Variants in GAN observed in about 807,000 individuals in gnomAD.
GAN encodes the protein gigaxonin, also known as epididymis secretory sperm binding protein.
A neutral mutation model predicts 71.3 loss-of-function variants in GAN; 48 were observed. The ratio of observed to expected loss-of-function variants is 0.67; its 90% CI spans 0.53 to 0.86. The LOEUF is 0.86. GAN is among the 40% of genes least tolerant of loss of function. GAN has a pLI of 0.00. For missense variants in GAN, 928 were observed against 770.1 expected (o/e 1.21, Z -2.43); for synonymous variants, 386 against 276.8 (o/e 1.39, Z -3.92).
chr16:81,351,427 T>C (rs1238124565), intron 1 of GAN, among the ~76,000 whole-genome samples, 156 bp from the exon 2 acceptor site: 2 of 152,246 alleles, frequency 1.3e-5, no homozygotes, highest in African/African-American at 4.8e-5. Context: ...TTGAAAGTTA[T>C]AGAAATACAT....
Position 81,380,092 on chromosome 16 carries a change from T to G in GAN, c.*2496T>G, listed in dbSNP as rs1246018711. ...TATTGTGTTGAAGTATAGGGATGTATTTAATTTTACTATGCTCCAACATTA... is the reference window on the plus strand; with the variant it reads ...TATTGTGTTGAAGTATAGGGATGTAGTTAATTTTACTATGCTCCAACATTA... On this transcript the variant is annotated 3_prime_UTR_variant, in exon 11 of 11. Coordinates refer to ENST00000648994, the MANE Select transcript of GAN (RefSeq NM_022041.4). The G allele has an allele frequency of 1.3e-5, 2 of 152,652 alleles. No individual in the cohort carries two copies. Among genetic ancestry groups the G allele is most frequent in the Non-Finnish European group, 2.9e-5 (2 of 68,042 alleles). The allele number at this position is 152,652 out of a possible 1,614,324, so 9.5% of individuals were successfully genotyped here.
At chr16:81,317,746 TTG>T (rs775694563) in intron 1 of GAN, among the ~76,000 whole-genome samples, 4 of 152,262 alleles carry the variant, frequency 2.6e-5, no homozygotes, top group Non-Finnish European at 5.9e-5. Flanking sequence ...ACCGTTCTCT[TTG>T]TGTAAACTTT....
chr16:81,365,376 C>G lies in GAN; in HGVS notation c.1400C>G (p.Ala467Gly), dbSNP rs1349568034. The G allele has an allele frequency of 6.2e-7, 1 of 1,613,546 alleles. No homozygotes were observed. The highest frequency in any genetic ancestry group is 1.7e-5 in the Admixed American group (1 of 59,934). Residue 467 changes from alanine to glycine, a missense_variant, in exon 9 of 11, where the codon GCT becomes GGT. Coordinates refer to ENST00000648994, the MANE Select transcript of GAN (RefSeq NM_022041.4). ...RRFGAVACGV[A>G]MELYVFGGVR... ...TTTGGAGCGGTGGCCTGTGGAGTTGCTATGGAGCTGTATGTGTTTGGGGGA... is the reference window on the plus strand; with the variant it reads ...TTTGGAGCGGTGGCCTGTGGAGTTGGTATGGAGCTGTATGTGTTTGGGGGA...
rs1167257979 is a variant in GAN at position 81,384,089 on chromosome 16, T to C, written c.*6493T>C. Reference sequence around the variant, plus strand: ...TTGCTTTATCATGTTTCCTGTTTAATTGGATGAGAATTACATGCACTTATT... The same window carrying C: ...TTGCTTTATCATGTTTCCTGTTTAACTGGATGAGAATTACATGCACTTATT... On this transcript the variant is annotated 3_prime_UTR_variant, in exon 11 of 11. Transcript: ENST00000648994. 1 of 152,056 alleles carries C rather than the reference T, an allele frequency of 6.6e-6. No individual in the cohort carries two copies. The highest frequency in any genetic ancestry group is 1.5e-5 in the Non-Finnish European group (1 of 68,000). 9.4% of individuals were successfully genotyped at this position (152,056 alleles called of 1,614,324 possible). A position where few individuals can be genotyped will look rare whatever the true frequency, so the allele number is the denominator to read the frequency against.
intron 9 of GAN, among the ~76,000 whole-genome samples, chr16:81,369,403 C>A (rs1015718895): frequency 1.3e-5 from 2 of 152,312 alleles, no homozygotes; most frequent in African/African-American, 4.8e-5. Flanking sequence ...CCTATCACAT[C>A]CCCACTTAAT....
intron 1 of GAN, among the ~76,000 whole-genome samples, chr16:81,348,004 T>TA (rs1000865916): frequency 9.9e-5 from 15 of 151,978 alleles, no homozygotes; most frequent in Admixed American, 2.0e-4. Flanking sequence ...TTTTCTTTTT[T>TA]AAAAAATTAT....
At chr16:81,343,047 G>T (rs775055760) in intron 1 of GAN, among the ~76,000 whole-genome samples, 1 of 152,094 alleles carries the variant, frequency 6.6e-6, no homozygotes, top group South Asian at 2.1e-4. Flanking sequence ...ATAAATTCCT[G>T]GACACATACA....
chr16:81,334,637 A>G (rs1909694139), intron 1 of GAN, among the ~76,000 whole-genome samples: 2 of 152,312 alleles, frequency 1.3e-5, no homozygotes, highest in South Asian at 4.1e-4. Flanking sequence ...ACATTTGAGC[A>G]TTGAATTGAA....
At chr16:81,348,139 A>G (rs918118920) in intron 1 of GAN, among the ~76,000 whole-genome samples, 2 of 152,160 alleles carry the variant, frequency 1.3e-5, no homozygotes, top group Non-Finnish European at 2.9e-5. Flanking sequence ...GTGCTCAGCC[A>G]TCTGTCATAT....
At chr16:81,336,510 C>T (rs187685160) in intron 1 of GAN, among the ~76,000 whole-genome samples, 51 of 152,226 alleles carry the variant, frequency 3.4e-4, no homozygotes, top group African/African-American at 1.2e-3. Flanking sequence ...GTTGCCCAGG[C>T]TGAAGTGCAG....
rs1904504113 is a variant in GAN at position 81,389,540 on chromosome 16, C to T, written c.*11944C>T. On this transcript the variant is annotated 3_prime_UTR_variant, in exon 11 of 11. Transcript: ENST00000648994. Reference sequence around the variant, plus strand: ...CAGAAACGGTATCGCGGATGCTCCTCAGGTAGGCGTAGGCAGACTTCATTG... The same window carrying T: ...CAGAAACGGTATCGCGGATGCTCCTTAGGTAGGCGTAGGCAGACTTCATTG... 1 of 152,226 alleles carries T rather than the reference C, an allele frequency of 6.6e-6. No homozygotes were observed. The highest frequency in any genetic ancestry group is 2.4e-5 in the African/African-American group (1 of 41,450). The allele number at this position is 152,226 out of a possible 1,614,324, so 9.4% of individuals were successfully genotyped here. A position where few individuals can be genotyped will look rare whatever the true frequency, so the allele number is the denominator to read the frequency against.
rs1430432657 is a variant in GAN, at chr16:81,389,547, GC to G, written c.*11952del. The G allele has an allele frequency of 6.6e-6, 1 of 152,224 alleles. No homozygotes were observed. Among genetic ancestry groups the G allele is most frequent in the African/African-American group, 2.4e-5 (1 of 41,452 alleles). 9.4% of individuals were successfully genotyped at this position (152,224 alleles called of 1,614,324 possible). A position where few individuals can be genotyped will look rare whatever the true frequency, so the allele number is the denominator to read the frequency against. ...GGTATCGCGGATGCTCCTCAGGTAG[GC>G]GTAGGCAGACTTCATTGTGTGTTAG... is the stretch of plus-strand genomic sequence containing the variant. On this transcript the variant is annotated 3_prime_UTR_variant, in exon 11 of 11. Transcript: ENST00000648994.
intron 1 of GAN, among the ~76,000 whole-genome samples, chr16:81,333,203 C>G (rs957603923): frequency 6.7e-6 from 1 of 148,432 alleles, no homozygotes; most frequent in Admixed American, 6.8e-5. Context: ...GATCACGCCA[C>G]TCCACTCCAG....
At position 81,388,555 on chromosome 16, in the gene GAN, T is replaced by TC. The variant is rs1487104147; in HGVS notation, c.*10964dup. ...GGCCAGCCCCAGAGGCCCTCAGGGC[T>TC]CCCCCTCCAAGCCGGGAGGGCAGGC... On this transcript the variant is annotated 3_prime_UTR_variant, in exon 11 of 11. Transcript: ENST00000648994. 1 of 153,074 alleles carries TC rather than the reference T, an allele frequency of 6.5e-6. No homozygotes were observed. The highest frequency in any genetic ancestry group is 1.9e-4 in the East Asian group (1 of 5,210). 9.5% of individuals were successfully genotyped at this position (153,074 alleles called of 1,614,324 possible).
Position 81,331,953 on chromosome 16 carries a change from G to C in GAN, c.167+16673G>C, listed in dbSNP as rs530848617. 2.6e-3 allele frequency among the ~76,000 whole-genome samples: 401 copies of C among 152,034 alleles called. 2 individuals are homozygous for C. Among genetic ancestry groups the C allele is most frequent in the Middle Eastern group, 0.024 (7 of 294 alleles). ...CAAGGCGGGCGGATCACCTGAGGTC[G>C]GGAGTTTGAGACCAGCCTGACCAAT... On this transcript the variant is annotated intron_variant, in intron 1 of 10. Transcript: ENST00000648994.
chr16:81,325,032 G>T (rs925052751), intron 1 of GAN, among the ~76,000 whole-genome samples: 2 of 118,786 alleles, frequency 1.7e-5, no homozygotes, highest in African/African-American at 5.1e-5. Context: ...TCGCAGCCAG[G>T]GATGGCTCCC....
chr16:81,371,092 T>C (rs1486894952), intron 9 of GAN, among the ~76,000 whole-genome samples: 1 of 152,230 alleles, frequency 6.6e-6, no homozygotes, highest in East Asian at 1.9e-4. Context: ...TTCCATCCAG[T>C]GAATTTTTTA....
rs1262194568 is a variant in GAN at position 81,380,991 on chromosome 16, C to A, written c.*3395C>A. ...TTGGATGGTGTTTTGTTTGTAAACACTTTGTTATATTGCACTACCACTTTA... is the reference window on the plus strand; with the variant it reads ...TTGGATGGTGTTTTGTTTGTAAACAATTTGTTATATTGCACTACCACTTTA... On this transcript the variant is annotated 3_prime_UTR_variant, in exon 11 of 11. Transcript: ENST00000648994. 6.6e-6 allele frequency: 1 copy of A among 152,136 alleles called. No homozygotes were observed. Among genetic ancestry groups the A allele is most frequent in the Non-Finnish European group, 1.5e-5 (1 of 68,016 alleles). The allele number at this position is 152,136 out of a possible 1,614,324, so 9.4% of individuals were successfully genotyped here. A position where few individuals can be genotyped will look rare whatever the true frequency, so the allele number is the denominator to read the frequency against.
At position 81,315,027 on chromosome 16, in the gene GAN, G is replaced by GGCGC. The variant is rs1908976420; in HGVS notation, c.-80_-77dup. 5 of 1,124,570 alleles carry GGCGC rather than the reference G, an allele frequency of 4.4e-6. No individual in the cohort carries two copies. Among genetic ancestry groups the GGCGC allele is most frequent in the Non-Finnish European group, 5.8e-6 (5 of 859,084 alleles). 69.7% of individuals were successfully genotyped at this position (1,124,570 alleles called of 1,614,324 possible). On this transcript the variant is annotated 5_prime_UTR_variant, in exon 1 of 11. Transcript: ENST00000648994. ...AGAGCGCGGAGAGCCGGGCCGGGCG[G>GGCGC]GCGCGCGCGCAGGACTCGGGCCGCT...
Sources: gnomAD v4.1 joint callset for allele counts (sites outside exome capture counted in the v4.1 genomes callset) on GRCh38, gnomAD v4.1.1 for gene constraint, MANE v1.5 for transcripts, NCBI Gene and HGNC (gene_info 2026-07-23, HGNC 2026-07-21) for gene names.